STXBP5: variants seen among roughly 807,000 people sequenced by gnomAD.
STXBP5 encodes the protein syntaxin-binding protein 5.
Under a neutral mutation model 152.4 loss-of-function variants are expected in STXBP5, and 50 were observed. The ratio of observed to expected loss-of-function variants is 0.33; its 90% CI spans 0.26 to 0.42. The LOEUF (loss-of-function observed/expected upper bound fraction) is 0.42, where lower values mean the gene tolerates loss of function less well. Ranked by LOEUF, STXBP5 falls within the 10% of genes least tolerant of loss-of-function variation. STXBP5 has a pLI of 1.00. For missense variants in STXBP5, 1,167 were observed against 1,388.6 expected (o/e 0.84, Z 2.54); for synonymous variants, 492 against 494.7 (o/e 0.99, Z 0.07).
At chr6:147,261,698 C>CCTA (rs1275900372) in intron 5 of STXBP5, among the ~76,000 whole-genome samples, 6 of 151,826 alleles carry the variant, frequency 4.0e-5, no homozygotes, top group Non-Finnish European at 8.8e-5. Flanking sequence ...ACTAGGTAGG[C>CCTA]CTAGTGCAGG....
At chr6:147,255,718 GC>G (rs1462638739) in intron 4 of STXBP5, among the ~76,000 whole-genome samples, 1 of 152,026 alleles carries the variant, frequency 6.6e-6, no homozygotes, top group Admixed American at 6.6e-5. Context: ...TCACTATATT[GC>G]CCCGGGCTCA....
intron 25 of STXBP5, 57 bp from the exon 26 acceptor site, chr6:147,373,674 C>T (rs1785671376): frequency 1.6e-6 from 2 of 1,278,340 alleles, no homozygotes; most frequent in African/African-American, 2.9e-5. Flanking sequence ...TACTTTTGTT[C>T]ATTATAGTTT....
At chr6:147,303,897 G>A (rs554827670) in intron 9 of STXBP5, among the ~76,000 whole-genome samples, 2 of 152,220 alleles carry the variant, frequency 1.3e-5, no homozygotes, top group South Asian at 4.1e-4. Context: ...AGAGATCTGT[G>A]GAACTTTGAA....
intron 16 of STXBP5, among the ~76,000 whole-genome samples, chr6:147,319,478 A>G (rs1782805294): frequency 6.6e-6 from 1 of 152,180 alleles, no homozygotes; most frequent in Non-Finnish European, 1.5e-5. Flanking sequence ...AGGCAATTAC[A>G]TTGTTTTGAG....
At chr6:147,236,231 A>G (rs1562428465) in intron 3 of STXBP5, among the ~76,000 whole-genome samples, 1 of 152,146 alleles carries the variant, frequency 6.6e-6, no homozygotes. Flanking sequence ...AGTTGTCTAG[A>G]TTTTTCAAGG....
intron 2 of STXBP5, among the ~76,000 whole-genome samples, chr6:147,216,253 G>C (rs1489559324): frequency 6.6e-6 from 1 of 152,034 alleles, no homozygotes; most frequent in Non-Finnish European, 1.5e-5. Flanking sequence ...TTTGCCGAGC[G>C]TGGTGGCAGG....
rs73787167 is a variant in STXBP5 at position 147,355,487 on chromosome 6, C to A, written c.2305+2114C>A. 1.3e-3 allele frequency among the ~76,000 whole-genome samples: 196 copies of A among 152,190 alleles called. 1 individual carries two copies. Among genetic ancestry groups the A allele is most frequent in the African/African-American group, 4.5e-3 (186 of 41,530 alleles). ...AGATCAGCTAAAAAGATCACATATT[C>A]AAGCACATTTCTGACATCTAAACTA... is the stretch of plus-strand genomic sequence containing the variant. On this transcript the variant is annotated intron_variant, in intron 22 of 27. Coordinates refer to ENST00000321680, the MANE Select transcript of STXBP5 (RefSeq NM_001127715.4).
intron 18 of STXBP5, among the ~76,000 whole-genome samples, chr6:147,331,732 T>TC (rs1783577551): frequency 6.6e-6 from 1 of 150,834 alleles, no homozygotes; most frequent in Non-Finnish European, 1.5e-5. Context: ...TGTTGTATTT[T>TC]CCCCTCATTT....
chr6:147,291,018 C>G (rs1333323229), intron 8 of STXBP5, 76 bp from the exon 9 acceptor site: 1 of 1,111,470 alleles, frequency 9.0e-7, no homozygotes, highest in Non-Finnish European at 1.3e-6. Flanking sequence ...ATTTCACTTT[C>G]ATTTTATAAA....
At position 147,353,325 on chromosome 6, in the gene STXBP5, A is replaced by G; in HGVS notation, c.2257A>G (p.Lys753Glu). ...TAAAAATGTCTTTTATTTTTCAGCA[A>G]AGATGTCAAGGAAGTTAAGCTTACC... is the stretch of plus-strand genomic sequence containing the variant. ...FSKMVANDIA[K>E]MSRKLSLPTD... The change falls in exon 22 of 28, where the codon AAG (lysine) becomes GAG (glutamate). Residue 753 changes from lysine to glutamate, a missense_variant and splice_region_variant. Coordinates refer to ENST00000321680, the MANE Select transcript of STXBP5 (RefSeq NM_001127715.4). 6.3e-7 allele frequency: 1 copy of G among 1,578,092 alleles called. No homozygotes were observed. Among genetic ancestry groups the G allele is most frequent in the Non-Finnish European group, 8.6e-7 (1 of 1,160,834 alleles).
intron 19 of STXBP5, among the ~76,000 whole-genome samples, chr6:147,336,019 A>G (rs1050910102): frequency 2.0e-4 from 30 of 152,238 alleles, no homozygotes; most frequent in African/African-American, 7.2e-4. Context: ...TCAAAAAATC[A>G]TTGATAAATC....
intron 2 of STXBP5, among the ~76,000 whole-genome samples, chr6:147,213,477 T>TGTGTGCGCGCGCGC: frequency 6.1e-4 from 80 of 131,312 alleles, no homozygotes; most frequent in African/African-American, 1.8e-3. Context: ...TGTGTGTGTG[T>TGTGTGCGCGCGCGC]GCGCGCGCAT....
intron 8 of STXBP5, among the ~76,000 whole-genome samples, chr6:147,281,862 A>G (rs1318805897): frequency 6.6e-6 from 1 of 152,216 alleles, no homozygotes; most frequent in Non-Finnish European, 1.5e-5. Flanking sequence ...GTTAAGCACT[A>G]ATTCCATAGT....
intron 2 of STXBP5, among the ~76,000 whole-genome samples, chr6:147,226,708 C>G (rs1458418642): frequency 2.6e-5 from 4 of 152,088 alleles, no homozygotes; most frequent in Admixed American, 1.3e-4. Context: ...ATATTGTTAC[C>G]TATGAAATTC....
chr6:147,285,632 C>G (rs1780923592), intron 8 of STXBP5, among the ~76,000 whole-genome samples: 1 of 151,912 alleles, frequency 6.6e-6, no homozygotes, highest in African/African-American at 2.4e-5. Flanking sequence ...GAATAGAAAT[C>G]AGACTGACTT....
Position 147,262,679 on chromosome 6 carries a change from C to T in STXBP5, c.630+326C>T, listed in dbSNP as rs534440723. On this transcript the variant is annotated intron_variant, in intron 6 of 27. Transcript: ENST00000321680. ...TAAAAAGTTTGCTTTTGGTTTTTGG[C>T]TTCTTTTGAACACTTTGTACAATTT... Among the ~76,000 whole-genome samples, 4 of 151,906 alleles carry T rather than the reference C, an allele frequency of 2.6e-5. No homozygotes were observed. The South Asian group carries it at 6.2e-4, about 24-fold the overall frequency.
At position 147,384,924 on chromosome 6, in the gene STXBP5, T is replaced by G; in HGVS notation, c.*169T>G. 7.4e-6 allele frequency: 5 copies of G among 676,984 alleles called. No homozygotes were observed. Among genetic ancestry groups the G allele is most frequent in the Admixed American group, 5.7e-5 (2 of 35,194 alleles). 41.9% of individuals were successfully genotyped at this position (676,984 alleles called of 1,614,324 possible). ...CAGTCATGTGGCTTTAACTGAGGAG[T>G]GTTCACACGCACTCGAAATGGAGTA... On this transcript the variant is annotated 3_prime_UTR_variant, in exon 28 of 28. Coordinates refer to ENST00000321680, the MANE Select transcript of STXBP5 (RefSeq NM_001127715.4).
chr6:147,363,920 C>T, intron 24 of STXBP5, 81 bp from the exon 25 acceptor site: 3 of 1,472,264 alleles, frequency 2.0e-6, no homozygotes, highest in East Asian at 2.3e-5. Flanking sequence ...TTTATGAGGT[C>T]TCTGCCATTT....
chr6:147,359,191 C>T lies in STXBP5; in HGVS notation c.2413C>T (p.Arg805Ter). ...SALHFCETFT[R>*]KTDSSPSPCL... Reference sequence around the variant, plus strand: ...TCTTCATTTCTGTGAAACGTTTACTCGAAAGACGGACTCGTCCCCTTCCCC... The same window carrying T: ...TCTTCATTTCTGTGAAACGTTTACTTGAAAGACGGACTCGTCCCCTTCCCC... Residue 805 changes from arginine (R) to a stop codon, truncating the protein, a stop_gained, in exon 23 of 28, where the codon CGA becomes TGA. Transcript: ENST00000321680. LOFTEE classifies it high-confidence loss of function. The T allele has an allele frequency of 1.2e-6, 2 of 1,614,004 alleles. No homozygotes were observed. The highest frequency in any genetic ancestry group is 1.7e-6 in the Non-Finnish European group (2 of 1,179,944).
Sources: allele counts gnomAD v4.1 joint callset (sites outside exome capture counted in the v4.1 genomes callset), GRCh38; gene constraint gnomAD v4.1.1; transcripts MANE v1.5; gene names NCBI Gene and HGNC (gene_info 2026-07-23, HGNC 2026-07-21).